ZNF710: variants seen among roughly 807,000 people sequenced by gnomAD.
ZNF710 encodes the protein zinc finger protein 710.
A neutral mutation model predicts 50.6 loss-of-function variants in ZNF710; 13 were observed. That is an observed-to-expected ratio of 0.26 (90% CI 0.17 to 0.41). The LOEUF (loss-of-function observed/expected upper bound fraction) is 0.41, where lower values mean the gene tolerates loss of function less well. Ranked by LOEUF, ZNF710 falls within the 10% of genes least tolerant of loss-of-function variation. ZNF710 has a pLI of 1.00. For missense variants in ZNF710, 721 were observed against 936.6 expected (o/e 0.77, Z 3.01); for synonymous variants, 383 against 397.0 (o/e 0.96, Z 0.42).
chr15:90,067,303 A>G lies in ZNF710; in HGVS notation c.166A>G (p.Met56Val), dbSNP rs148835918. The change falls in exon 2 of 5, where the codon ATG becomes GTG. Residue 56 changes from methionine to valine, a missense_variant. Coordinates refer to ENST00000268154, the MANE Select transcript of ZNF710 (RefSeq NM_198526.4). This position sits in a 1 kb window ranked among gnomAD's most constrained non-coding sequence, Gnocchi z 8.1. ...DLGPELSGAA[M>V]GEPEPPGPDV... The stretch of plus-strand genomic sequence containing the variant: ...GGGGCCCGAGCTTTCAGGGGCAGCC[A>G]TGGGAGAGCCCGAGCCACCAGGCCC... 2.2e-3 allele frequency: 3,485 copies of G among 1,610,556 alleles called. 59 individuals are homozygous for G. In the African/African-American group the frequency reaches 0.04, roughly 18 times the overall value.
intron 1 of ZNF710, among the ~76,000 whole-genome samples, chr15:90,061,133 T>C (rs902479573): frequency 1.3e-5 from 2 of 151,540 alleles, no homozygotes; most frequent in African/African-American, 4.9e-5. Flanking sequence ...TTGTTTTTGT[T>C]TGTTTGCTTG....
At position 90,068,722 on chromosome 15, in the gene ZNF710, G is replaced by T. The variant is rs1325626542; in HGVS notation, c.1458+127G>T. 2 of 1,075,758 alleles carry T rather than the reference G, an allele frequency of 1.9e-6. No individual in the cohort carries two copies. Among genetic ancestry groups the T allele is most frequent in the Non-Finnish European group, 1.3e-6 (1 of 757,468 alleles). 66.6% of individuals were successfully genotyped at this position (1,075,758 alleles called of 1,614,324 possible). ...AGTTTTATCGTTACGTACTTATTTTGATGAGTATTAGAAATCAATTAGTAT... is the reference window on the plus strand; with the variant it reads ...AGTTTTATCGTTACGTACTTATTTTTATGAGTATTAGAAATCAATTAGTAT... On this transcript the variant is annotated intron_variant, in intron 2 of 4. Coordinates refer to ENST00000268154, the MANE Select transcript of ZNF710 (RefSeq NM_198526.4). The surrounding 1 kb of genome is among the most constrained non-coding windows in gnomAD (Gnocchi z 5.0).
chr15:90,073,911 A>G (rs1227592029), intron 3 of ZNF710, among the ~76,000 whole-genome samples: 1 of 146,142 alleles, frequency 6.8e-6, no homozygotes. Flanking sequence ...AATCTCTTGA[A>G]CCCAGGAGGC....
At chr15:90,018,931 C>T (rs1567222174) in intron 1 of ZNF710, among the ~76,000 whole-genome samples, 1 of 151,820 alleles carries the variant, frequency 6.6e-6, no homozygotes, top group Non-Finnish European at 1.5e-5. Flanking sequence ...GATTTGAATG[C>T]CCAAGGAATG....
chr15:90,007,020 T>C (rs1439849146), intron 1 of ZNF710, among the ~76,000 whole-genome samples: 2 of 152,116 alleles, frequency 1.3e-5, no homozygotes, highest in Non-Finnish European at 2.9e-5. Context: ...TTGCTGTTGA[T>C]GGAGACCCTG....
intron 1 of ZNF710, among the ~76,000 whole-genome samples, chr15:90,035,189 C>T (rs572600886): frequency 6.6e-6 from 1 of 152,334 alleles, no homozygotes; most frequent in Non-Finnish European, 1.5e-5. Flanking sequence ...GGGGACCTGG[C>T]AACCACACAA....
chr15:90,055,797 G>C (rs1217261789), intron 1 of ZNF710, among the ~76,000 whole-genome samples: 1 of 152,222 alleles, frequency 6.6e-6, no homozygotes, highest in Non-Finnish European at 1.5e-5. Context: ...CCCCATGTTT[G>C]ACATGGATAG....
chr15:90,031,913 A>C (rs948414584), intron 1 of ZNF710, among the ~76,000 whole-genome samples: 2 of 152,248 alleles, frequency 1.3e-5, no homozygotes, highest in African/African-American at 4.8e-5. Context: ...ACCTGCAGAT[A>C]CTTGGGCTAG....
chr15:90,012,724 T>A (rs1898346926), intron 1 of ZNF710, among the ~76,000 whole-genome samples: 1 of 152,178 alleles, frequency 6.6e-6, no homozygotes, highest in African/African-American at 2.4e-5. Context: ...CACTGAGGTA[T>A]TTTTAATATC....
rs943632319 is a variant in ZNF710 at position 90,067,678 on chromosome 15, G to C, written c.541G>C (p.Glu181Gln). ...LRHLPRTPRPELNVAPYDPHF... is the reference protein window; with the variant it reads ...LRHLPRTPRPQLNVAPYDPHF... ...GCATCTGCCCCGAACCCCGAGGCCGGAGCTGAACGTGGCCCCATATGACCC... is the reference window on the plus strand; with the variant it reads ...GCATCTGCCCCGAACCCCGAGGCCGCAGCTGAACGTGGCCCCATATGACCC... Residue 181 changes from glutamate (E) to glutamine (Q), a missense_variant, in exon 2 of 5, where the codon GAG (glutamate) becomes CAG (glutamine). Glu to Gln is a conservative substitution (Grantham distance 29, BLOSUM62 2). Coordinates refer to ENST00000268154, the MANE Select transcript of ZNF710 (RefSeq NM_198526.4). The surrounding 1 kb of genome is among the most constrained non-coding windows in gnomAD (Gnocchi z 8.1). The C allele has an allele frequency of 1.2e-6, 2 of 1,612,746 alleles. No homozygotes were observed. The highest frequency in any genetic ancestry group is 1.7e-6 in the Non-Finnish European group (2 of 1,179,644).
At chr15:90,071,129 T>C (rs1028506411) in intron 2 of ZNF710, among the ~76,000 whole-genome samples, 4 of 151,818 alleles carry the variant, frequency 2.6e-5, no homozygotes, top group Admixed American at 6.6e-5. Context: ...GGCGTGGTGG[T>C]GGGCGCCTGT....
chr15:90,034,203 A>G lies in ZNF710; in HGVS notation c.-29+32589A>G, dbSNP rs1899035545. Among the ~76,000 whole-genome samples the G allele has an allele frequency of 7.9e-6, 1 of 126,282 alleles. No individual in the cohort carries two copies. Among genetic ancestry groups the G allele is most frequent in the Non-Finnish European group, 1.6e-5 (1 of 61,010 alleles). 82.8% of individuals were successfully genotyped at this position (126,282 alleles called of 152,430 possible). A position where few individuals can be genotyped will look rare whatever the true frequency, so the allele number is the denominator to read the frequency against. On this transcript the variant is annotated intron_variant, in intron 1 of 4. Coordinates refer to ENST00000268154, the MANE Select transcript of ZNF710 (RefSeq NM_198526.4). The surrounding 1 kb of genome is among the most constrained non-coding windows in gnomAD (Gnocchi z 4.0). Reference sequence around the variant, plus strand: ...ACAGAGTGAGACTCTGTCTCAAAAAAAAAGAAAAGAAAAGAAAAGAAAAGA... The same window carrying G: ...ACAGAGTGAGACTCTGTCTCAAAAAGAAAGAAAAGAAAAGAAAAGAAAAGA...
At chr15:90,042,838 C>T (rs1187424549) in intron 1 of ZNF710, among the ~76,000 whole-genome samples, 3 of 152,186 alleles carry the variant, frequency 2.0e-5, no homozygotes, top group Admixed American at 6.5e-5. Context: ...GGTTAGGGCA[C>T]GTATATTGCA....
At chr15:90,035,133 G>C (rs1007941329) in intron 1 of ZNF710, among the ~76,000 whole-genome samples, 5 of 152,252 alleles carry the variant, frequency 3.3e-5, no homozygotes, top group African/African-American at 1.2e-4. Flanking sequence ...CTGGGCACAG[G>C]CACATGGCCA....
intron 2 of ZNF710, among the ~76,000 whole-genome samples, chr15:90,070,630 G>C (rs994683940): frequency 6.6e-6 from 1 of 151,656 alleles, no homozygotes; most frequent in African/African-American, 2.4e-5. Context: ...CCAGGTGACA[G>C]AGCAAGACTC....
At chr15:90,019,187 C>CTTTTTTTTTTTTTTTTTT (rs11285838) in intron 1 of ZNF710, among the ~76,000 whole-genome samples, 170 of 89,374 alleles carry the variant, frequency 1.9e-3, no homozygotes, top group African/African-American at 2.2e-3. Context: ...CTTTTTCTTT[C>CTTTTTTTTTTTTTTTTTT]TTTTTTTTTT....
At chr15:90,010,560 G>A (rs558568675) in intron 1 of ZNF710, among the ~76,000 whole-genome samples, 10 of 152,176 alleles carry the variant, frequency 6.6e-5, no homozygotes, top group African/African-American at 1.9e-4. Context: ...CTCCCATAGC[G>A]CTGGGATTAC....
At chr15:90,002,896 T>G (rs773040214) in intron 1 of ZNF710, among the ~76,000 whole-genome samples, 1 of 152,156 alleles carries the variant, frequency 6.6e-6, no homozygotes, top group South Asian at 2.1e-4. Flanking sequence ...TTTCTTGATA[T>G]GGAGTCTTGC....
intron 1 of ZNF710, among the ~76,000 whole-genome samples, chr15:90,027,975 G>C (rs1025299968): frequency 6.6e-6 from 1 of 152,154 alleles, no homozygotes; most frequent in Non-Finnish European, 1.5e-5. Flanking sequence ...TCAGTTCTGC[G>C]TAACAGATAC....
Sources: gnomAD v4.1 joint callset for allele counts (sites outside exome capture counted in the v4.1 genomes callset) on GRCh38, gnomAD v4.1.1 for gene constraint, Gnocchi (gnomAD v3.1) non-coding constraint, MANE v1.5 for transcripts, NCBI Gene and HGNC (gene_info 2026-07-23, HGNC 2026-07-21) for gene names.